The following COL18A1 variants were observed in gnomAD, a reference collection of about 807,000 sequenced individuals.
COL18A1 encodes collagen type XVIII alpha 1 chain.
In COL18A1, 133 loss-of-function variants were observed where a neutral mutation model predicts 168.0. The ratio of observed to expected loss-of-function variants is 0.79; its 90% CI spans 0.69 to 0.91. The LOEUF (loss-of-function observed/expected upper bound fraction) is 0.91, where lower values mean the gene tolerates loss of function less well. Among genes scored for constraint, COL18A1 ranks in the 40% least tolerant of loss-of-function variants. The pLI is 0.00. For missense variants in COL18A1, 2,126 were observed against 1,925.4 expected, an observed-to-expected ratio of 1.10 and a Z score of -1.95; for synonymous variants, 949 against 809.0, an observed-to-expected ratio of 1.17 and a Z score of -2.94.
chr21:45,502,023 CAGAAGGA>C, intron 32 of COL18A1, among the ~76,000 whole-genome samples: 1 of 76,304 alleles, frequency 1.3e-5, no homozygotes, highest in Non-Finnish European at 2.5e-5. Flanking sequence ...CCTCCCTCTG[CAGAAGGA>C]CCCTCAGGGG....
chr21:45,405,210 G>A lies in COL18A1; in HGVS notation c.-21G>A. On this transcript the variant is annotated 5_prime_UTR_variant, in exon 1 of 42. Transcript: ENST00000651438. ...GGCGGAGGAGGCAGCATCCCGCGGC[G>A]CTGACGGTCCTGGGGAGAGCATGGC... 1 of 165,592 alleles carries A rather than the reference G, an allele frequency of 6.0e-6. No homozygotes were observed. Among genetic ancestry groups the A allele is most frequent in the Non-Finnish European group, 1.1e-5 (1 of 92,516 alleles). 10.3% of individuals were successfully genotyped at this position (165,592 alleles called of 1,614,324 possible). A position where few individuals can be genotyped will look rare whatever the true frequency, so the allele number is the denominator to read the frequency against.
chr21:45,484,894 T>TA (rs1327969456), intron 15 of COL18A1, among the ~76,000 whole-genome samples: 1 of 152,004 alleles, frequency 6.6e-6, no homozygotes, highest in Non-Finnish European at 1.5e-5. Context: ...ATGAAAGTTT[T>TA]AAAAAAACAA....
At position 45,463,758 on chromosome 21, in the gene COL18A1, A is replaced by G. The variant is rs140333350; in HGVS notation, c.107-4484A>G. Among the ~76,000 whole-genome samples the G allele has an allele frequency of 0.029, 4,434 of 152,134 alleles. 226 individuals carry two copies. The highest frequency in any genetic ancestry group is 0.1 in the African/African-American group (4,187 of 41,480). ...ACTAACAATACAAAATTAGCTGGGT[A>G]TGGTGGTGCATGCCTGTAATCCTAG... On this transcript the variant is annotated intron_variant, in intron 2 of 41. Coordinates refer to ENST00000651438, the MANE Select transcript of COL18A1 (RefSeq NM_001379500.1). The surrounding 1 kb of genome is among the most constrained non-coding windows in gnomAD (Gnocchi z 4.0).
intron 2 of COL18A1, among the ~76,000 whole-genome samples, chr21:45,411,369 C>T (rs575948932): frequency 2.6e-5 from 4 of 152,244 alleles, no homozygotes; most frequent in African/African-American, 9.6e-5. Flanking sequence ...GCGAGGCCCC[C>T]GCCAGCTGCT....
At chr21:45,509,289 G>T in intron 38 of COL18A1, 67 bp from the exon 39 acceptor site, 1 of 1,531,318 alleles carries the variant, frequency 6.5e-7, no homozygotes, top group South Asian at 1.2e-5. Context: ...CCCAGAGGAG[G>T]ACACAGATGG....
chr21:45,489,897 CCCCCACTTCCACCTG>C (rs1418648685), intron 19 of COL18A1, among the ~76,000 whole-genome samples: 11 of 95,886 alleles, frequency 1.1e-4, no homozygotes, highest in African/African-American at 4.0e-4. Flanking sequence ...ACTTCCCCCT[CCCCCACTTCCACCTG>C]CCCCACACCT....
rs750174397 is a variant in COL18A1 at position 45,475,495 on chromosome 21, G to T, written c.758G>T (p.Ser253Ile). The T allele has an allele frequency of 3.7e-6, 6 of 1,605,894 alleles. No individual in the cohort carries two copies. The highest frequency in any genetic ancestry group is 1.3e-5 in the African/African-American group (1 of 74,836). Residue 253 changes from serine to isoleucine, a missense_variant, in exon 5 of 42, where the codon AGC becomes ATC. Transcript: ENST00000651438. The part of the protein sequence containing the change: ...DSDGASGDSG[S>I]GLGDARELLR... ...CCTCAGGCATCCGGAGACTCTGGCA[G>T]CGGGCTCGGGGACGCCCGGGAGCTT...
At chr21:45,405,661 C>T (rs1351755905) in intron 2 of COL18A1, among the ~76,000 whole-genome samples, 188 bp downstream of exon 2, 1 of 151,004 alleles carries the variant, frequency 6.6e-6, no homozygotes, top group Non-Finnish European at 1.5e-5. Flanking sequence ...CCCGCCCATT[C>T]ATTCTCCCCG....
chr21:45,421,159 G>A, intron 2 of COL18A1: 2 of 344,454 alleles, frequency 5.8e-6, no homozygotes, highest in South Asian at 2.2e-5. Flanking sequence ...GCTCCTCAAG[G>A]ACAGACGGAC....
chr21:45,413,797 G>C (rs1452965062), intron 2 of COL18A1, among the ~76,000 whole-genome samples: 1 of 152,248 alleles, frequency 6.6e-6, no homozygotes. Flanking sequence ...GCAGAGGCTA[G>C]AGGCAGGGTA....
At chr21:45,493,766 G>C in intron 26 of COL18A1, 191 bp downstream of exon 26, 1 of 598,566 alleles carries the variant, frequency 1.7e-6, no homozygotes, top group South Asian at 2.0e-5. Flanking sequence ...CCGGCCCCTC[G>C]TCCTCTCCCT....
rs139437733 is a variant in COL18A1, at chr21:45,437,225, G to GACAC, written c.107-31013_107-31010dup. 1.8e-3 allele frequency among the ~76,000 whole-genome samples: 104 copies of GACAC among 59,426 alleles called. 3 individuals carry two copies. The highest frequency in any genetic ancestry group is 7.9e-3 in the African/African-American group (90 of 11,448). The allele number at this position is 59,426 out of a possible 152,430, so 39.0% of individuals were successfully genotyped here. A position where few individuals can be genotyped will look rare whatever the true frequency, so the allele number is the denominator to read the frequency against. On this transcript the variant is annotated intron_variant, in intron 2 of 41. Coordinates refer to ENST00000651438, the MANE Select transcript of COL18A1 (RefSeq NM_001379500.1). ...GCACTCTCCTGCACACACACACACA[G>GACAC]ACACACAGGCACTCTCCTGTACACA... is the stretch of plus-strand genomic sequence containing the variant.
intron 18 of COL18A1, among the ~76,000 whole-genome samples, chr21:45,488,770 C>G (rs1025332552): frequency 3.9e-5 from 6 of 152,142 alleles, no homozygotes; most frequent in African/African-American, 1.2e-4. Context: ...CTCAGGGTCC[C>G]CACCTCAGCC....
At chr21:45,480,400 G>GGGCCAGGAGTA in intron 11 of COL18A1, 67 bp from the exon 12 acceptor site, 1 of 1,612,572 alleles carries the variant, frequency 6.2e-7, no homozygotes, top group Non-Finnish European at 8.5e-7. Flanking sequence ...TGCGGGGCAG[G>GGGCCAGGAGTA]GGCCAGGAGT....
Position 45,414,908 on chromosome 21 carries a change from C to A in COL18A1, c.106+9435C>A, listed in dbSNP as rs370315981. Among the ~76,000 whole-genome samples, 3 of 152,060 alleles carry A rather than the reference C, an allele frequency of 2.0e-5. No individual in the cohort carries two copies. The East Asian group carries it at 5.8e-4, about 29-fold the overall frequency. ...TTATCAGGTGGGCCCCACGTCATTA[C>A]GAGGGTCCTTATAGAGAAGGGGCAG... is the stretch of plus-strand genomic sequence containing the variant. On this transcript the variant is annotated intron_variant, in intron 2 of 41. Coordinates refer to ENST00000651438, the MANE Select transcript of COL18A1 (RefSeq NM_001379500.1).
rs371424181 is a variant in COL18A1 at position 45,511,173 on chromosome 21, C to G, written c.3756C>G (p.Pro1252=). Residue 1252 remains proline (P), a synonymous_variant, in exon 41 of 42, where the codon CCC becomes CCG. Transcript: ENST00000651438. ...CAGGCTCTGAGGGTCCGCTGAAGCC[C>G]GGGGCACGCATCTTCTCCTTTGACG... is the stretch of plus-strand genomic sequence containing the variant. ...LFSGSEGPLK[P]GARIFSFDGK... 1 of 1,601,636 alleles carries G rather than the reference C, an allele frequency of 6.2e-7. No individual in the cohort carries two copies. Among genetic ancestry groups the G allele is most frequent in the South Asian group, 1.1e-5 (1 of 88,748 alleles).
chr21:45,492,864 A>G, intron 24 of COL18A1, 151 bp downstream of exon 24: 1 of 763,320 alleles, frequency 1.3e-6, no homozygotes, highest in South Asian at 1.4e-5. Flanking sequence ...TGGGAGTGGG[A>G]TGTGGGCGAG....
intron 2 of COL18A1, among the ~76,000 whole-genome samples, chr21:45,459,037 G>A (rs898123431): frequency 6.6e-6 from 1 of 152,212 alleles, no homozygotes; most frequent in Non-Finnish European, 1.5e-5. Flanking sequence ...TAGCGTCCCC[G>A]TGCGAGGGAG....
intron 2 of COL18A1, among the ~76,000 whole-genome samples, chr21:45,448,472 C>T (rs1171288736): frequency 1.3e-5 from 2 of 152,216 alleles, no homozygotes; most frequent in Non-Finnish European, 2.9e-5. Context: ...ACATGCAGTC[C>T]ACACACACAG....
Sources: gnomAD v4.1 joint callset for allele counts (sites outside exome capture counted in the v4.1 genomes callset) on GRCh38, gnomAD v4.1.1 for gene constraint, Gnocchi (gnomAD v3.1) non-coding constraint, MANE v1.5 for transcripts, NCBI Gene and HGNC (gene_info 2026-07-23, HGNC 2026-07-21) for gene names.